The following OR51E2 variants were observed in gnomAD, a reference collection of about 807,000 sequenced individuals.
The protein encoded by OR51E2 is olfactory receptor family 51 subfamily E member 2, also known as olfactory receptor 51E2.
Under a neutral mutation model 13.7 loss-of-function variants are expected in OR51E2, and 14 were observed. The ratio of observed to expected loss-of-function variants is 1.02; its 90% CI spans 0.68 to 1.60. The LOEUF (loss-of-function observed/expected upper bound fraction) is 1.60. Ranked by LOEUF, OR51E2 falls within the 40% of genes most tolerant of loss-of-function variation. The pLI is 0.00. For synonymous variants in OR51E2, 180 were observed against 157.6 expected (o/e 1.14, Z -1.07); for missense variants, 483 against 413.8 (o/e 1.17, Z -1.45).
At chr11:4,696,857 T>C (rs1344259110) in intron 1 of OR51E2, among the ~76,000 whole-genome samples, 1 of 152,218 alleles carries the variant, frequency 6.6e-6, no homozygotes, top group Non-Finnish European at 1.5e-5. Context: ...GTATTCTCCA[T>C]GCTATTGTCA....
Position 4,697,765 on chromosome 11 carries a change from C to G in OR51E2, c.-163G>C, listed in dbSNP as rs1271438697. The G allele has an allele frequency of 2.0e-5, 3 of 152,590 alleles. No individual in the cohort carries two copies. The highest frequency in any genetic ancestry group is 2.0e-4 in the Admixed American group (3 of 15,268). 9.5% of individuals were successfully genotyped at this position (152,590 alleles called of 1,614,324 possible). Reference sequence around the variant, plus strand: ...CAAATATGAGGAGACTTATTCCAGCCTGACTGGAGACAGGCACAGAGCTGA... The same window carrying G: ...CAAATATGAGGAGACTTATTCCAGCGTGACTGGAGACAGGCACAGAGCTGA... On this transcript the variant is annotated 5_prime_UTR_variant, in exon 1 of 2. Transcript: ENST00000396950.
intron 1 of OR51E2, among the ~76,000 whole-genome samples, chr11:4,695,091 A>G (rs909711105): frequency 6.6e-6 from 1 of 152,200 alleles, no homozygotes; most frequent in Non-Finnish European, 1.5e-5. Context: ...ATGAAGCTAG[A>G]GAAAGCACCA....
rs926123252 is a variant in OR51E2, at chr11:4,682,256, G to C, written c.456C>G (p.Ser152=). ...QIGIVAVVRG[S]LFFFPLPLLI... is the part of the protein sequence containing the mutation. Reference sequence around the variant, plus strand: ...GCAGAGGCAGTGGGAAAAAAAAGAGGGATCCGCGGACCACAGCCACGATGC... The same window carrying C: ...GCAGAGGCAGTGGGAAAAAAAAGAGCGATCCGCGGACCACAGCCACGATGC... Residue 152 remains serine, a synonymous_variant, in exon 2 of 2, where the codon TCC becomes TCG. Transcript: ENST00000396950. 6.2e-7 allele frequency: 1 copy of C among 1,614,136 alleles called. No individual in the cohort carries two copies. Among genetic ancestry groups the C allele is most frequent in the Non-Finnish European group, 8.5e-7 (1 of 1,180,018 alleles).
At chr11:4,686,794 G>A (rs1451225154) in intron 1 of OR51E2, among the ~76,000 whole-genome samples, 2 of 151,736 alleles carry the variant, frequency 1.3e-5, no homozygotes, top group African/African-American at 2.4e-5. Flanking sequence ...AACTCATTGT[G>A]AGCTTATCCA....
At position 4,681,427 on chromosome 11, in the gene OR51E2, C is replaced by A; in HGVS notation, c.*322G>T. The A allele has an allele frequency of 7.6e-6, 2 of 264,390 alleles. No individual in the cohort carries two copies. The highest frequency in any genetic ancestry group is 7.6e-5 in the South Asian group (1 of 13,148). 16.4% of individuals were successfully genotyped at this position (264,390 alleles called of 1,614,324 possible). On this transcript the variant is annotated 3_prime_UTR_variant, in exon 2 of 2. Transcript: ENST00000396950. ...AGAAAAAAGAGAGAGAAAGTAGGGA[C>A]AACACTAAATCATTAGTAATTTGAG...
chr11:4,689,079 C>T (rs1847548427), intron 1 of OR51E2, among the ~76,000 whole-genome samples: 1 of 152,124 alleles, frequency 6.6e-6, no homozygotes, highest in Non-Finnish European at 1.5e-5. Context: ...AGAGATGGTA[C>T]TTAAAGACAT....
chr11:4,683,971 C>T (rs112544858), intron 1 of OR51E2, among the ~76,000 whole-genome samples: 2,745 of 152,324 alleles, frequency 0.018, 30 homozygotes, highest in Middle Eastern at 0.041. Flanking sequence ...ATATTGCACT[C>T]CCCCAACCCC....
chr11:4,692,024 T>A, intron 1 of OR51E2: 1 of 342,790 alleles, frequency 2.9e-6, no homozygotes, highest in Non-Finnish European at 5.8e-6. Context: ...ATAAACACTT[T>A]ACCCTGAGTT....
intron 1 of OR51E2, chr11:4,691,597 G>T (rs964538186): frequency 6.6e-6 from 3 of 455,600 alleles, no homozygotes; most frequent in Admixed American, 4.7e-5. Flanking sequence ...GTTACAGAGA[G>T]GAAGCAGAAG....
chr11:4,688,585 G>A (rs1469985346), intron 1 of OR51E2, among the ~76,000 whole-genome samples: 3 of 152,124 alleles, frequency 2.0e-5, no homozygotes, highest in African/African-American at 7.2e-5. Context: ...GGGGTATATT[G>A]AACTTGATCT....
In OR51E2 at chr11:4,682,211, GA is replaced by G. The variant is rs1266095213; in HGVS notation, c.500del (p.Phe167SerfsTer17). 1.2e-6 allele frequency: 2 copies of G among 1,614,216 alleles called. No homozygotes were observed. Among genetic ancestry groups the G allele is most frequent in the Non-Finnish European group, 1.7e-6 (2 of 1,180,042 alleles). On this transcript the variant is annotated frameshift_variant, in exon 2 of 2. Transcript: ENST00000396950. LOFTEE classifies it high-confidence loss of function. Reference protein sequence around the residue: ...PLPLLIKRLAFCHSNVLSHSY... With the variant: ...PLPLLIKRLAXCHSNVLSHSY... The stretch of plus-strand genomic sequence containing the variant: ...AGTGCGAGAGGACATTGGAGTGGCA[GA>G]AGGCCAGCCGCTTGATCAGCAGAGG...
In OR51E2 at chr11:4,681,528, T is replaced by C. The variant is rs559345664; in HGVS notation, c.*221A>G. Reference sequence around the variant, plus strand: ...ATCTTTATTGTTTTTCTTAATGTTATAAGCATGTTTGGTTTTATTGTAGTC... The same window carrying C: ...ATCTTTATTGTTTTTCTTAATGTTACAAGCATGTTTGGTTTTATTGTAGTC... On this transcript the variant is annotated 3_prime_UTR_variant, in exon 2 of 2. Transcript: ENST00000396950. 70 of 554,648 alleles carry C rather than the reference T, an allele frequency of 1.3e-4. No individual in the cohort carries two copies. The Admixed American group carries it at 1.8e-3, about 14-fold the overall frequency. The allele number at this position is 554,648 out of a possible 1,614,324, so 34.4% of individuals were successfully genotyped here. A position where few individuals can be genotyped will look rare whatever the true frequency, so the allele number is the denominator to read the frequency against.
At chr11:4,683,350 C>T (rs1847479849) in intron 1 of OR51E2, among the ~76,000 whole-genome samples, 1 of 152,082 alleles carries the variant, frequency 6.6e-6, no homozygotes, top group African/African-American at 2.4e-5. Context: ...ATTCCCAGTC[C>T]TCAATTCTAA....
rs1391481035 is a variant in OR51E2, at chr11:4,682,164, A to G, written c.548T>C (p.Val183Ala). ...AGTGTCTGCATAGGCCAACTTCATT[A>G]CATCCTGGTGGACACAATAGGAGTG... Reference protein sequence around the residue: ...LSHSYCVHQDVMKLAYADTLP... With the variant: ...LSHSYCVHQDAMKLAYADTLP... The change falls in exon 2 of 2, where the codon GTA (valine) becomes GCA (alanine). Residue 183 changes from valine (V) to alanine (A), a missense_variant. By Grantham distance (64) the Val-to-Ala change is moderately conservative (BLOSUM62 0). Coordinates refer to ENST00000396950, the MANE Select transcript of OR51E2 (RefSeq NM_030774.4). The G allele has an allele frequency of 2.5e-6, 4 of 1,614,236 alleles. No individual in the cohort carries two copies.
In OR51E2 at chr11:4,681,817, T is replaced by C; in HGVS notation, c.895A>G (p.Arg299Gly). 1 of 1,614,232 alleles carries C rather than the reference T, an allele frequency of 6.2e-7. No homozygotes were observed. Among genetic ancestry groups the C allele is most frequent in the South Asian group, 1.1e-5 (1 of 91,090 alleles). The change falls in exon 2 of 2, where the codon AGA becomes GGA. Residue 299 changes from arginine (R) to glycine (G), a missense_variant. Transcript: ENST00000396950. ...IIYGAKTKQIRTRVLAMFKIS... is the reference protein window; with the variant it reads ...IIYGAKTKQIGTRVLAMFKIS... Reference sequence around the variant, plus strand: ...TTGAACATAGCCAGCACCCGTGTTCTGATCTGTTTGGTTTTGGCACCATAG... The same window carrying C: ...TTGAACATAGCCAGCACCCGTGTTCCGATCTGTTTGGTTTTGGCACCATAG...
At chr11:4,691,159 A>G (rs1184116886) in intron 1 of OR51E2, 3 of 456,640 alleles carry the variant, frequency 6.6e-6, no homozygotes, top group African/African-American at 2.0e-5. Context: ...TCAGGGTGGT[A>G]GCAGTAGGAG....
chr11:4,691,610 A>G lies in OR51E2; in HGVS notation c.-51+6043T>C, dbSNP rs867162925. ...CAGTTACAGAGAGGAAGCAGAAGGG[A>G]ATGGAGATCCAGGTGTGGAAGGCTT... On this transcript the variant is annotated intron_variant, in intron 1 of 1. Coordinates refer to ENST00000396950, the MANE Select transcript of OR51E2 (RefSeq NM_030774.4). 11 of 453,538 alleles carry G rather than the reference A, an allele frequency of 2.4e-5. 1 individual carries two copies. In the Middle Eastern group the frequency reaches 2.3e-3, roughly 95 times the overall value. 28.1% of individuals were successfully genotyped at this position (453,538 alleles called of 1,614,324 possible). A position where few individuals can be genotyped will look rare whatever the true frequency, so the allele number is the denominator to read the frequency against.
Position 4,682,624 on chromosome 11 carries a change from G to C in OR51E2, c.88C>G (p.Leu30Val). Residue 30 changes from leucine to valine, a missense_variant, in exon 2 of 2, where the codon CTC becomes GTC. By Grantham distance (32) the Leu-to-Val change is conservative. Transcript: ENST00000396950. ...EKAHFWVGFP[L>V]LSMYVVAMFG... Reference sequence around the variant, plus strand: ...ATTGCCACTACATACATGGAAAGGAGGGGGAAGCCAACCCAGAAATGGGCT... The same window carrying C: ...ATTGCCACTACATACATGGAAAGGACGGGGAAGCCAACCCAGAAATGGGCT... 1 of 1,614,198 alleles carries C rather than the reference G, an allele frequency of 6.2e-7. No homozygotes were observed. Among genetic ancestry groups the C allele is most frequent in the African/African-American group, 1.3e-5 (1 of 75,054 alleles).
At position 4,682,343 on chromosome 11, in the gene OR51E2, C is replaced by A. The variant is rs778838824; in HGVS notation, c.369G>T (p.Val123=). ...ILLAMAFDRY[V]AICHPLRHAA... Reference sequence around the variant, plus strand: ...CATGGCGCAGTGGGTGGCAGATGGCCACATAACGGTCAAAGGCCATGGCCA... The same window carrying A: ...CATGGCGCAGTGGGTGGCAGATGGCAACATAACGGTCAAAGGCCATGGCCA... Residue 123 remains valine (V), a synonymous_variant, in exon 2 of 2, where the codon GTG becomes GTT. Coordinates refer to ENST00000396950, the MANE Select transcript of OR51E2 (RefSeq NM_030774.4). The A allele has an allele frequency of 2.0e-5, 32 of 1,613,978 alleles. No individual in the cohort carries two copies. The highest frequency in any genetic ancestry group is 2.7e-5 in the African/African-American group (2 of 74,898).
Sources: allele counts gnomAD v4.1 joint callset (sites outside exome capture counted in the v4.1 genomes callset), GRCh38; gene constraint gnomAD v4.1.1; transcripts MANE v1.5; gene names NCBI Gene and HGNC (gene_info 2026-07-23, HGNC 2026-07-21).